SULF2: variants seen among roughly 807,000 people sequenced by gnomAD.
SULF2 encodes extracellular sulfatase Sulf-2.
Under a neutral mutation model 107.7 loss-of-function variants are expected in SULF2, and 52 were observed. The observed-to-expected ratio is 0.48, with a 90% CI of 0.39 to 0.61. The LOEUF is 0.61. Among genes scored for constraint, SULF2 ranks in the 20% least tolerant of loss-of-function variants. SULF2 has a pLI of 0.00. For synonymous variants in SULF2, 460 were observed against 464.3 expected, an observed-to-expected ratio of 0.99 and a Z score of 0.12; for missense variants, 993 against 1,177.3, an observed-to-expected ratio of 0.84 and a Z score of 2.29.
intron 3 of SULF2, among the ~76,000 whole-genome samples, chr20:47,722,116 G>A (rs553142574): frequency 3.2e-4 from 48 of 152,208 alleles, no homozygotes; most frequent in Non-Finnish European, 5.7e-4. Context: ...TTCTGACAGC[G>A]TTTGAGCACT....
At chr20:47,783,060 C>T (rs770374048) in intron 1 of SULF2, among the ~76,000 whole-genome samples, 2 of 152,176 alleles carry the variant, frequency 1.3e-5, no homozygotes, top group Non-Finnish European at 2.9e-5. Context: ...CCTGTTTCCT[C>T]ATCTTTAATA....
intron 2 of SULF2, among the ~76,000 whole-genome samples, chr20:47,752,249 G>C (rs1397146934): frequency 1.3e-5 from 2 of 152,184 alleles, no homozygotes; most frequent in Non-Finnish European, 2.9e-5. Flanking sequence ...ACAGGTGCCA[G>C]GTATTCCTCA....
chr20:47,738,677 G>A (rs912244759), intron 2 of SULF2, among the ~76,000 whole-genome samples: 1 of 152,132 alleles, frequency 6.6e-6, no homozygotes, highest in Non-Finnish European at 1.5e-5. Flanking sequence ...CCTCTTGCTT[G>A]GTTCTCATTC....
chr20:47,682,814 G>A (rs1185411961), intron 7 of SULF2, among the ~76,000 whole-genome samples, 180 bp downstream of exon 7: 3 of 152,124 alleles, frequency 2.0e-5, no homozygotes, highest in Non-Finnish European at 2.9e-5. Flanking sequence ...AACAGCTCCC[G>A]GCCTCTCCTT....
intron 2 of SULF2, among the ~76,000 whole-genome samples, chr20:47,751,762 G>A (rs769973004): frequency 7.9e-5 from 12 of 152,230 alleles, no homozygotes; most frequent in South Asian, 2.1e-4. Context: ...TACATCACTC[G>A]TAACTGAGAG....
chr20:47,753,247 T>C (rs2090203150), intron 2 of SULF2, among the ~76,000 whole-genome samples: 1 of 152,164 alleles, frequency 6.6e-6, no homozygotes, highest in Admixed American at 6.5e-5. Context: ...AAATGAGCAC[T>C]GGGGAATCCG....
chr20:47,774,028 CAGA>C (rs2146977738), intron 1 of SULF2, among the ~76,000 whole-genome samples: 2 of 152,376 alleles, frequency 1.3e-5, no homozygotes, highest in South Asian at 4.1e-4. Context: ...CTGCTATTAG[CAGA>C]TGAGCTGTTC....
intron 6 of SULF2, 99 bp downstream of exon 6, chr20:47,684,332 A>G (rs1288950714): frequency 5.2e-6 from 7 of 1,335,532 alleles, no homozygotes; most frequent in Middle Eastern, 5.2e-4. Context: ...TTTGATTTCT[A>G]TTCCTCCAGG....
At chr20:47,740,760 G>C (rs186259454) in intron 2 of SULF2, among the ~76,000 whole-genome samples, 21 of 152,236 alleles carry the variant, frequency 1.4e-4, no homozygotes, top group African/African-American at 4.8e-4. Context: ...GCAATCATTG[G>C]CTTGGTAAAA....
At chr20:47,742,202 C>G (rs1359026127) in intron 2 of SULF2, among the ~76,000 whole-genome samples, 1 of 152,228 alleles carries the variant, frequency 6.6e-6, no homozygotes, top group African/African-American at 2.4e-5. Flanking sequence ...AACACAAAAA[C>G]ATATGATCTC....
At chr20:47,774,981 T>C (rs1171763016) in intron 1 of SULF2, among the ~76,000 whole-genome samples, 1 of 152,212 alleles carries the variant, frequency 6.6e-6, no homozygotes, top group African/African-American at 2.4e-5. Context: ...ATTTCCTCAG[T>C]TCCTGACCTG....
chr20:47,700,125 T>C (rs1001507562), intron 4 of SULF2, among the ~76,000 whole-genome samples: 1 of 152,196 alleles, frequency 6.6e-6, no homozygotes, highest in Non-Finnish European at 1.5e-5. Flanking sequence ...GATTTGTTCA[T>C]TTCCATATTT....
chr20:47,704,234 A>C (rs1480948351), intron 3 of SULF2, among the ~76,000 whole-genome samples: 1 of 152,160 alleles, frequency 6.6e-6, no homozygotes, highest in Non-Finnish European at 1.5e-5. Flanking sequence ...GGAGACAGAC[A>C]AGACCTCTTC....
At chr20:47,668,899 A>AC (rs2087370300) in intron 11 of SULF2, among the ~76,000 whole-genome samples, 1 of 152,158 alleles carries the variant, frequency 6.6e-6, no homozygotes, top group Non-Finnish European at 1.5e-5. Flanking sequence ...GATTCTGAGC[A>AC]CAGGGTCTTT....
intron 5 of SULF2, among the ~76,000 whole-genome samples, chr20:47,689,046 A>G (rs954158438): frequency 2.0e-5 from 3 of 152,144 alleles, no homozygotes; most frequent in African/African-American, 7.2e-5. Context: ...ATAGAGTACT[A>G]CAGGGGTGGG....
At chr20:47,661,547 C>T (rs746251343) in intron 18 of SULF2, 30 of 380,402 alleles carry the variant, frequency 7.9e-5, no homozygotes, top group East Asian at 5.3e-4. Flanking sequence ...GACGGAATTC[C>T]GTGTGTTTCC....
At chr20:47,696,495 ATCT>A (rs1288345009) in intron 4 of SULF2, among the ~76,000 whole-genome samples, 64 of 152,072 alleles carry the variant, frequency 4.2e-4, no homozygotes, top group Admixed American at 1.2e-3. Flanking sequence ...CACTTTATGC[ATCT>A]TTTTATATTA....
chr20:47,657,666 G>T lies in SULF2; in HGVS notation c.*696C>A, dbSNP rs996165497. On this transcript the variant is annotated 3_prime_UTR_variant, in exon 21 of 21. Transcript: ENST00000688720. ...AACAGAAATGTCCACAACTGCGAGG[G>T]ATTTTCTTTTACACTGGCCACAGAG... 2 of 152,204 alleles carry T rather than the reference G, an allele frequency of 1.3e-5. No individual in the cohort carries two copies. Among genetic ancestry groups the T allele is most frequent in the African/African-American group, 4.8e-5 (2 of 41,454 alleles). The allele number at this position is 152,204 out of a possible 1,614,324, so 9.4% of individuals were successfully genotyped here. A position where few individuals can be genotyped will look rare whatever the true frequency, so the allele number is the denominator to read the frequency against.
intron 2 of SULF2, among the ~76,000 whole-genome samples, chr20:47,746,950 G>A (rs945846614): frequency 1.4e-5 from 2 of 145,180 alleles, no homozygotes; most frequent in Non-Finnish European, 3.0e-5. Context: ...AAAACTGCAC[G>A]TTGTGCACAT....
Sources: gnomAD v4.1 joint callset for allele counts (sites outside exome capture counted in the v4.1 genomes callset) on GRCh38, gnomAD v4.1.1 for gene constraint, MANE v1.5 for transcripts, NCBI Gene and HGNC (gene_info 2026-07-23, HGNC 2026-07-21) for gene names.